CDH5: variants seen among roughly 807,000 people sequenced by gnomAD.
CDH5 encodes the protein cadherin-5.
A neutral mutation model predicts 62.0 loss-of-function variants in CDH5; 28 were observed. The ratio of observed to expected loss-of-function variants is 0.45; its 90% CI spans 0.33 to 0.62. CDH5 has a LOEUF of 0.62. CDH5 is among the 20% of genes least tolerant of loss of function. The pLI is 0.02. For synonymous variants in CDH5, 464 were observed against 445.8 expected (o/e 1.04, Z -0.52); for missense variants, 940 against 1,065.1 (o/e 0.88, Z 1.63).
At chr16:66,373,387 G>A (rs1960727490) in intron 1 of CDH5, among the ~76,000 whole-genome samples, 1 of 150,536 alleles carries the variant, frequency 6.6e-6, no homozygotes, top group African/African-American at 2.5e-5. Context: ...CTTCCCTGCA[G>A]CCCCCATTTT....
intron 7 of CDH5, among the ~76,000 whole-genome samples, chr16:66,393,739 T>C (rs549727033): frequency 2.6e-5 from 4 of 152,366 alleles, no homozygotes; most frequent in African/African-American, 7.2e-5. Context: ...GATATAATTT[T>C]TTGTCAACTC....
intron 7 of CDH5, among the ~76,000 whole-genome samples, chr16:66,393,533 C>G (rs1961124956): frequency 6.6e-6 from 1 of 152,162 alleles, no homozygotes; most frequent in Non-Finnish European, 1.5e-5. Flanking sequence ...AGCTTGAGAA[C>G]AGAACCTAGG....
At chr16:66,387,604 C>T (rs181695461) in intron 3 of CDH5, among the ~76,000 whole-genome samples, 1 of 152,360 alleles carries the variant, frequency 6.6e-6, no homozygotes, top group East Asian at 1.9e-4. Context: ...CATGAACTCA[C>T]CCCTGGCCAT....
intron 1 of CDH5, among the ~76,000 whole-genome samples, chr16:66,370,189 G>A (rs574339930): frequency 2.6e-5 from 4 of 152,070 alleles, no homozygotes; most frequent in Admixed American, 2.6e-4. Flanking sequence ...TAGTAGAGAC[G>A]GGGTTTCACC....
intron 7 of CDH5, 149 bp downstream of exon 7, chr16:66,392,532 G>C (rs1006199193): frequency 9.0e-7 from 1 of 1,111,942 alleles, no homozygotes; most frequent in African/African-American, 1.6e-5. Context: ...AGAAGCCCAA[G>C]CTCTTGCACT....
chr16:66,389,647 C>A (rs1961048422), intron 5 of CDH5, 125 bp downstream of exon 5: 1 of 778,860 alleles, frequency 1.3e-6, no homozygotes, highest in Non-Finnish European at 1.9e-6. Context: ...AGGCCTGATG[C>A]CCAAAGGAGT....
chr16:66,383,538 C>G (rs893555246), intron 2 of CDH5, among the ~76,000 whole-genome samples: 1 of 152,118 alleles, frequency 6.6e-6, no homozygotes, highest in Non-Finnish European at 1.5e-5. Context: ...TCCTCCCTGC[C>G]CTGGTGGGTC....
intron 10 of CDH5, 121 bp from the exon 11 acceptor site, chr16:66,400,650 G>A (rs1961263285): frequency 3.5e-6 from 4 of 1,151,830 alleles, no homozygotes; most frequent in South Asian, 1.3e-5. Flanking sequence ...GGGTGCAAAG[G>A]GCAGAAAAGC....
chr16:66,397,433 G>T (rs563813078), intron 8 of CDH5, among the ~76,000 whole-genome samples: 1 of 152,050 alleles, frequency 6.6e-6, no homozygotes, highest in African/African-American at 2.4e-5. Flanking sequence ...TGTTTCCCAG[G>T]CTTGTCTCCA....
chr16:66,368,429 C>T (rs1012853196), intron 1 of CDH5, among the ~76,000 whole-genome samples: 1 of 152,186 alleles, frequency 6.6e-6, no homozygotes, highest in African/African-American at 2.4e-5. Context: ...CCGCCTGCAG[C>T]CTCAGCCTGA....
rs186642754 is a variant in CDH5 at position 66,397,014 on chromosome 16, C to T, written c.1360+813C>T. Among the ~76,000 whole-genome samples the T allele has an allele frequency of 4.5e-4, 69 of 152,240 alleles. 1 individual carries two copies. Among genetic ancestry groups the T allele is most frequent in the Admixed American group, 4.1e-3 (62 of 15,292 alleles). The stretch of plus-strand genomic sequence containing the variant: ...CTTTACATTTAAATGGTTTAAAATA[C>T]GGAAAATACAGAAAATGAGAAGAAA... On this transcript the variant is annotated intron_variant, in intron 8 of 11. Transcript: ENST00000341529.
chr16:66,373,525 C>T (rs543387642), intron 1 of CDH5, among the ~76,000 whole-genome samples: 38 of 151,908 alleles, frequency 2.5e-4, no homozygotes, highest in Non-Finnish European at 4.3e-4. Context: ...AAGCGATTCT[C>T]GTGCCTCAGC....
At position 66,402,880 on chromosome 16, in the gene CDH5, A is replaced by G; in HGVS notation, c.2066A>G (p.Gln689Arg). The G allele has an allele frequency of 1.2e-6, 2 of 1,609,594 alleles. No individual in the cohort carries two copies. The highest frequency in any genetic ancestry group is 1.7e-6 in the Non-Finnish European group (2 of 1,178,896). Residue 689 changes from glutamine (Q) to arginine (R), a missense_variant, in exon 12 of 12, where the codon CAG becomes CGG. Transcript: ENST00000341529. ...CGGCCTTCCCTCTATGCGCAGGTGC[A>G]GAAGCCACCGAGGCACGCGCCTGGG... Reference protein sequence around the residue: ...DARPSLYAQVQKPPRHAPGAH... With the variant: ...DARPSLYAQVRKPPRHAPGAH...
In CDH5 at chr16:66,403,300, G is replaced by C; in HGVS notation, c.*131G>C. 1 of 752,516 alleles carries C rather than the reference G, an allele frequency of 1.3e-6. No homozygotes were observed. Among genetic ancestry groups the C allele is most frequent in the Non-Finnish European group, 2.1e-6 (1 of 472,278 alleles). 46.6% of individuals were successfully genotyped at this position (752,516 alleles called of 1,614,324 possible). A position where few individuals can be genotyped will look rare whatever the true frequency, so the allele number is the denominator to read the frequency against. On this transcript the variant is annotated 3_prime_UTR_variant, in exon 12 of 12. Transcript: ENST00000341529. The surrounding 1 kb of genome is among the most constrained non-coding windows in gnomAD (Gnocchi z 4.3). ...GCACCCCTTCCTCGTGGGTCCCAGAGACCTCATCAGCCTTGGGATAGCAAA... is the reference window on the plus strand; with the variant it reads ...GCACCCCTTCCTCGTGGGTCCCAGACACCTCATCAGCCTTGGGATAGCAAA...
chr16:66,395,844 T>A, intron 7 of CDH5: 1 of 479,136 alleles, frequency 2.1e-6, no homozygotes, highest in Non-Finnish European at 3.7e-6. Context: ...AGTCCAGTGA[T>A]GGCAATGTAA....
Position 66,389,343 on chromosome 16 carries a change from G to A in CDH5, c.617-15G>A. 6.2e-7 allele frequency: 1 copy of A among 1,601,706 alleles called. No individual in the cohort carries two copies. Among genetic ancestry groups the A allele is most frequent in the Non-Finnish European group, 8.5e-7 (1 of 1,171,136 alleles). On this transcript the variant is annotated splice_polypyrimidine_tract_variant and intron_variant, in intron 4 of 11. Transcript: ENST00000341529. Reference sequence around the variant, plus strand: ...GAAGCTGGTAACATGGTTCCTGCTGGGAATCTTTTTGCAGGACGTATTATC... The same window carrying A: ...GAAGCTGGTAACATGGTTCCTGCTGAGAATCTTTTTGCAGGACGTATTATC...
chr16:66,370,318 A>G (rs1960663671), intron 1 of CDH5, among the ~76,000 whole-genome samples: 1 of 152,020 alleles, frequency 6.6e-6, no homozygotes, highest in Non-Finnish European at 1.5e-5. Context: ...CTTAAGAAGG[A>G]TAATTTTGTT....
In CDH5 at chr16:66,388,419, T is replaced by A. The variant is rs747785422; in HGVS notation, c.595T>A (p.Tyr199Asn). ...VMYQILKGKEYFAIDNSGRII... is the reference protein window; with the variant it reads ...VMYQILKGKENFAIDNSGRII... ...GTACCAAATCCTGAAGGGGAAAGAGTATTTTGCCATCGATAATTCTGGTCT... is the reference window on the plus strand; with the variant it reads ...GTACCAAATCCTGAAGGGGAAAGAGAATTTTGCCATCGATAATTCTGGTCT... The change falls in exon 4 of 12, where the codon TAT becomes AAT. Residue 199 changes from tyrosine (Y) to asparagine (N), a missense_variant. Physicochemically the swap from Tyr to Asn is moderately radical, Grantham distance 143 (BLOSUM62 -2). Coordinates refer to ENST00000341529, the MANE Select transcript of CDH5 (RefSeq NM_001795.5). 5 of 1,610,658 alleles carry A rather than the reference T, an allele frequency of 3.1e-6. No individual in the cohort carries two copies. Among genetic ancestry groups the A allele is most frequent in the Non-Finnish European group, 4.2e-6 (5 of 1,176,974 alleles).
At chr16:66,400,710 A>C in intron 10 of CDH5, 61 bp from the exon 11 acceptor site, 1 of 1,609,880 alleles carries the variant, frequency 6.2e-7, no homozygotes, top group Non-Finnish European at 8.5e-7. Context: ...TTCCTGGAGG[A>C]GCCAGGTTTC....
Sources: allele counts gnomAD v4.1 joint callset (sites outside exome capture counted in the v4.1 genomes callset), GRCh38; gene constraint gnomAD v4.1.1; non-coding constraint Gnocchi (gnomAD v3.1); transcripts MANE v1.5; gene names NCBI Gene and HGNC (gene_info 2026-07-23, HGNC 2026-07-21).